The following FLT3 variants were observed in gnomAD, a reference collection of about 807,000 sequenced individuals.
FLT3 encodes fms related receptor tyrosine kinase 3.
A neutral mutation model predicts 126.6 loss-of-function variants in FLT3; 46 were observed. The observed-to-expected ratio is 0.36, with a 90% CI of 0.29 to 0.46. FLT3 has a LOEUF of 0.46. Among genes scored for constraint, FLT3 ranks in the 20% least tolerant of loss-of-function variants. The pLI, the probability that FLT3 is intolerant of heterozygous loss-of-function variation, is 1.00. For synonymous variants in FLT3, 404 were observed against 434.4 expected (o/e 0.93, Z 0.87); for missense variants, 1,069 against 1,190.3 (o/e 0.90, Z 1.50).
rs142682048 is a variant in FLT3 at position 28,089,854 on chromosome 13, C to A, written c.43+10614G>T. Among the ~76,000 whole-genome samples the A allele has an allele frequency of 4.6e-3, 692 of 151,608 alleles. 11 individuals are homozygous for A. Among genetic ancestry groups the A allele is most frequent in the African/African-American group, 0.016 (667 of 41,198 alleles). The stretch of plus-strand genomic sequence containing the variant: ...GGTTCAAGCAATTCTCCTGCCTCAG[C>A]CTCCCGAGTAACTAGGATTAAAGGC... On this transcript the variant is annotated intron_variant, in intron 1 of 23. Coordinates refer to ENST00000241453, the MANE Select transcript of FLT3 (RefSeq NM_004119.3).
chr13:28,023,673 A>G (rs1872587630), intron 18 of FLT3, among the ~76,000 whole-genome samples, 196 bp from the exon 19 acceptor site: 1 of 152,186 alleles, frequency 6.6e-6, no homozygotes, highest in African/African-American at 2.4e-5. Flanking sequence ...TTTTGGTTAG[A>G]GATAAACTTT....
At chr13:28,027,335 G>C (rs1872900810) in intron 16 of FLT3, 94 bp from the exon 17 acceptor site, 13 of 969,690 alleles carry the variant, frequency 1.3e-5, no homozygotes, top group Non-Finnish European at 2.0e-5. Context: ...AGGAGGGCTT[G>C]GTTCTCTGCT....
intron 2 of FLT3, chr13:28,067,566 G>C (rs572569120): frequency 6.5e-6 from 1 of 152,878 alleles, no homozygotes; most frequent in Admixed American, 6.6e-5. Context: ...TGAAGGCACT[G>C]GAATTTAAGA....
At chr13:28,039,113 G>T (rs1336197341) in intron 9 of FLT3, among the ~76,000 whole-genome samples, 3 of 152,184 alleles carry the variant, frequency 2.0e-5, no homozygotes, top group African/African-American at 7.2e-5. Flanking sequence ...AGCGACTGAA[G>T]GCGCCAGACG....
At position 28,003,536 on chromosome 13, in the gene FLT3, G is replaced by T. The variant is rs59251752; in HGVS notation, c.*516C>A. 3.7e-3 allele frequency: 883 copies of T among 238,024 alleles called. 5 individuals are homozygous for T. Among genetic ancestry groups the T allele is most frequent in the African/African-American group, 0.018 (818 of 45,476 alleles). 14.7% of individuals were successfully genotyped at this position (238,024 alleles called of 1,614,324 possible). On this transcript the variant is annotated 3_prime_UTR_variant, in exon 24 of 24. Coordinates refer to ENST00000241453, the MANE Select transcript of FLT3 (RefSeq NM_004119.3). ...AAGGAATGTGTAGGTGGCTATGGGT[G>T]CACAATTTCAGGGGGTTCGTGAACT...
chr13:28,022,819 A>G (rs1872513138), intron 19 of FLT3, among the ~76,000 whole-genome samples: 1 of 152,202 alleles, frequency 6.6e-6, no homozygotes, highest in South Asian at 2.1e-4. Context: ...TGGGGTAGAG[A>G]CATGGTTCAC....
At chr13:28,017,710 G>GAT in intron 20 of FLT3, among the ~76,000 whole-genome samples, 1 of 149,766 alleles carries the variant, frequency 6.7e-6, no homozygotes, top group South Asian at 2.1e-4. Flanking sequence ...TGTTGCCCAG[G>GAT]CTGGAGTGCA....
At chr13:28,073,953 AAAAG>A (rs1566099265) in intron 1 of FLT3, among the ~76,000 whole-genome samples, 8 of 148,588 alleles carry the variant, frequency 5.4e-5, no homozygotes, top group Admixed American at 6.7e-5. Flanking sequence ...AAAAAAAAAA[AAAAG>A]AAAAGAAAAA....
Position 28,027,809 on chromosome 13 carries a change from G to A in FLT3, c.2053+369C>T, listed in dbSNP as rs373921502. ...CTAGCTAGGCTGTGCCGTATTTGAC[G>A]GCAGCCCAACTGGGGCAGTGGCCAG... On this transcript the variant is annotated intron_variant, in intron 16 of 23. Coordinates refer to ENST00000241453, the MANE Select transcript of FLT3 (RefSeq NM_004119.3). Among the ~76,000 whole-genome samples the A allele has an allele frequency of 8.3e-4, 127 of 152,262 alleles. 1 individual carries two copies. Among genetic ancestry groups the A allele is most frequent in the African/African-American group, 3.0e-3 (124 of 41,552 alleles).
In FLT3 at chr13:28,042,877, G is replaced by GA. The variant is rs10713102; in HGVS notation, c.1205+5397dup. 8.6e-3 allele frequency among the ~76,000 whole-genome samples: 1,222 copies of GA among 142,416 alleles called. 5 individuals carry two copies. Among genetic ancestry groups the GA allele is most frequent in the Non-Finnish European group, 0.014 (898 of 65,488 alleles). 93.4% of individuals were successfully genotyped at this position (142,416 alleles called of 152,430 possible). ...AAGGCTCAACTCCTTCAGAAAATAG[G>GA]AAAAAAAAAAAAAACAACTCCTCTC... On this transcript the variant is annotated intron_variant, in intron 9 of 23. Transcript: ENST00000241453.
intron 23 of FLT3, among the ~76,000 whole-genome samples, chr13:28,008,078 C>T (rs1196424266): frequency 6.6e-6 from 1 of 151,852 alleles, no homozygotes; most frequent in Admixed American, 6.6e-5. Context: ...GGTGCGGTGG[C>T]TCACACCAGT....
At chr13:28,016,418 G>C (rs982759068) in intron 20 of FLT3, among the ~76,000 whole-genome samples, 1 of 151,948 alleles carries the variant, frequency 6.6e-6, no homozygotes, top group Non-Finnish European at 1.5e-5. Context: ...TTACAGGTAC[G>C]CACCACCATG....
At chr13:28,094,591 C>T (rs1879334173) in intron 1 of FLT3, among the ~76,000 whole-genome samples, 1 of 152,090 alleles carries the variant, frequency 6.6e-6, no homozygotes. Context: ...CCTCAAATTC[C>T]TGGGCTCAAG....
intron 9 of FLT3, among the ~76,000 whole-genome samples, chr13:28,042,185 T>A (rs1032319005): frequency 2.1e-4 from 28 of 134,608 alleles, no homozygotes; most frequent in Middle Eastern, 3.7e-3. Context: ...ATAATAATAA[T>A]AATAAATAAA....
At chr13:28,054,611 A>C (rs879452781) in intron 4 of FLT3, among the ~76,000 whole-genome samples, 16 of 152,154 alleles carry the variant, frequency 1.1e-4, no homozygotes, top group Non-Finnish European at 2.1e-4. Context: ...TATGAGCAGC[A>C]AAATGCAACT....
chr13:28,060,675 G>A (rs1438425878), intron 3 of FLT3, among the ~76,000 whole-genome samples: 3 of 151,804 alleles, frequency 2.0e-5, no homozygotes, highest in Non-Finnish European at 2.9e-5. Flanking sequence ...GCGTGACATC[G>A]GCTCACCGAA....
rs1870667090 is a variant in FLT3 at position 28,004,068 on chromosome 13, T to C, written c.2966A>G (p.Gln989Arg). Residue 989 changes from glutamine to arginine, a missense_variant, in exon 24 of 24, where the codon CAG becomes CGG. Physicochemically the swap from Gln to Arg is conservative, Grantham distance 43. Coordinates refer to ENST00000241453, the MANE Select transcript of FLT3 (RefSeq NM_004119.3). ...ATTGTTCCTCTACGAATCTTCGACC[T>C]GAGCCTGCGGAGAGAGTAGCCCCAA... is the stretch of plus-strand genomic sequence containing the variant. ...MDLGLLSPQA[Q>R]VEDS The C allele has an allele frequency of 2.5e-6, 4 of 1,614,148 alleles. No individual in the cohort carries two copies. In the South Asian group the frequency reaches 4.4e-5, roughly 18 times the overall value.
At chr13:28,029,940 T>C (rs941608787) in intron 15 of FLT3, among the ~76,000 whole-genome samples, 2 of 152,194 alleles carry the variant, frequency 1.3e-5, no homozygotes, top group African/African-American at 4.8e-5. Context: ...TTGCGGCTCA[T>C]GTGCAGTTGG....
At chr13:28,080,470 A>G (rs753705700) in intron 1 of FLT3, among the ~76,000 whole-genome samples, 21 of 152,212 alleles carry the variant, frequency 1.4e-4, no homozygotes, top group Non-Finnish European at 2.1e-4. Context: ...ATTATCAGCT[A>G]TAGTCATCAT....
Sources: gnomAD v4.1 joint callset for allele counts (sites outside exome capture counted in the v4.1 genomes callset) on GRCh38, gnomAD v4.1.1 for gene constraint, MANE v1.5 for transcripts, NCBI Gene and HGNC (gene_info 2026-07-23, HGNC 2026-07-21) for gene names.